Variants in TNPO3 observed in about 807,000 individuals in gnomAD.
TNPO3 encodes the protein transportin 3, also known as transportin-3.
TNPO3 carries 65 observed loss-of-function variants against 122.8 expected under a neutral mutation model. The ratio of observed to expected loss-of-function variants is 0.53; its 90% confidence interval spans 0.43 to 0.65. The LOEUF is 0.65. Among genes scored for constraint, TNPO3 ranks in the 30% least tolerant of loss-of-function variants. The pLI is 0.00. For synonymous variants in TNPO3, 372 were observed against 411.2 expected (o/e 0.90, Z 1.15); for missense variants, 850 against 1,136.7 (o/e 0.75, Z 3.63).
At chr7:128,987,819 T>TA (rs1397659461) in intron 11 of TNPO3, among the ~76,000 whole-genome samples, 1 of 152,136 alleles carries the variant, frequency 6.6e-6, no homozygotes, top group Non-Finnish European at 1.5e-5. Context: ...CCTCAAGTGA[T>TA]ACGCCTACCT....
chr7:129,026,394 ATTTTTTT>A (rs969403916), intron 1 of TNPO3, among the ~76,000 whole-genome samples: 11 of 94,714 alleles, frequency 1.2e-4, no homozygotes, highest in South Asian at 3.4e-4. Context: ...TGACGTTTGA[ATTTTTTT>A]TTTTTTTTTT....
At chr7:129,055,586 T>C, upstream of TNPO3, 1 of 162,374 alleles carries the variant, frequency 6.2e-6, no homozygotes, top group Non-Finnish European at 1.3e-5. Context: ...CCAAAATGCC[T>C]AGAATCTTTG....
At chr7:129,044,544 T>C (rs143805297) in intron 1 of TNPO3, among the ~76,000 whole-genome samples, 1 of 152,306 alleles carries the variant, frequency 6.6e-6, no homozygotes, top group East Asian at 1.9e-4. Context: ...CTTTTAAGAG[T>C]ATGTACATAA....
At chr7:129,005,461 C>A (rs1321381528) in intron 4 of TNPO3, among the ~76,000 whole-genome samples, 1 of 152,180 alleles carries the variant, frequency 6.6e-6, no homozygotes, top group Non-Finnish European at 1.5e-5. Flanking sequence ...ACCCAAATTT[C>A]ATGTCAAATT....
chr7:128,987,232 T>C (rs903502916), intron 11 of TNPO3, among the ~76,000 whole-genome samples: 8 of 152,140 alleles, frequency 5.3e-5, no homozygotes, highest in African/African-American at 1.9e-4. Flanking sequence ...GCAATCCAGG[T>C]ATTAAGAATA....
chr7:128,964,066 C>T (rs1222146793), intron 21 of TNPO3, among the ~76,000 whole-genome samples: 2 of 152,004 alleles, frequency 1.3e-5, no homozygotes, highest in Non-Finnish European at 2.9e-5. Context: ...ATAAAAAAAA[C>T]TTATGAAAAA....
chr7:128,986,449 C>T (rs1411300366), intron 12 of TNPO3, among the ~76,000 whole-genome samples: 1 of 152,074 alleles, frequency 6.6e-6, no homozygotes, highest in African/African-American at 2.4e-5. Flanking sequence ...AAAAAGCAGC[C>T]GTGTTTAGTT....
At position 129,054,771 on chromosome 7, in the gene TNPO3, G is replaced by A. The variant is rs756648157; in HGVS notation, c.-1C>T. ...GCAATGTCGGCTTTGCTCCTTCCAT[G>A]GTGGTGGCGGTAGTGGCGGTAGCGA... is the stretch of plus-strand genomic sequence containing the variant. On this transcript the variant is annotated 5_prime_UTR_variant, in exon 1 of 23. Coordinates refer to ENST00000265388, the MANE Select transcript of TNPO3 (RefSeq NM_012470.4). The A allele has an allele frequency of 5.0e-6, 8 of 1,613,940 alleles. No homozygotes were observed. The Admixed American group carries it at 1.3e-4, about 27-fold the overall frequency.
Position 129,038,142 on chromosome 7 carries a change from G to C in TNPO3, c.120+16509C>G, listed in dbSNP as rs112518384. Among the ~76,000 whole-genome samples, 834 of 152,252 alleles carry C rather than the reference G, an allele frequency of 5.5e-3. 13 individuals are homozygous for C. The highest frequency in any genetic ancestry group is 0.019 in the African/African-American group (799 of 41,542). The stretch of plus-strand genomic sequence containing the variant: ...AGAGAAAAAGGACACATTAAATACA[G>C]AGGAACAAAAGTAAAAAGCTAGAGC... On this transcript the variant is annotated intron_variant, in intron 1 of 22. Coordinates refer to ENST00000265388, the MANE Select transcript of TNPO3 (RefSeq NM_012470.4).
At chr7:129,017,129 CAAAG>C in intron 2 of TNPO3, 73 bp from the exon 3 acceptor site, 1 of 1,372,550 alleles carries the variant, frequency 7.3e-7, no homozygotes, top group Non-Finnish European at 1.0e-6. Flanking sequence ...AATTGGGAAG[CAAAG>C]AAACATTTCT....
rs759544679 is a variant in TNPO3, at chr7:129,054,720, C to T, written c.51G>A (p.Ala17=). ...TLQLVYQAVQ[A]LYHDPDPSGK... Reference sequence around the variant, plus strand: ...CGCTGGGATCTGGGTCGTGGTAAAGCGCCTGCACTGCCTGGTACACGAGCT... The same window carrying T: ...CGCTGGGATCTGGGTCGTGGTAAAGTGCCTGCACTGCCTGGTACACGAGCT... The change falls in exon 1 of 23, where the codon GCG becomes GCA. Residue 17 remains alanine, a synonymous_variant. Transcript: ENST00000265388. 7 of 1,614,210 alleles carry T rather than the reference C, an allele frequency of 4.3e-6. No individual in the cohort carries two copies. In the South Asian group the frequency reaches 7.7e-5, roughly 18 times the overall value.
In TNPO3 at chr7:128,954,692, C is replaced by T. The variant is rs1796745539; in HGVS notation, c.*725G>A. On this transcript the variant is annotated 3_prime_UTR_variant, in exon 23 of 23. Transcript: ENST00000265388. ...GTCCCGAGCATCACCAATGTGACCA[C>T]GATAGAAAGCAGAACAAGTTCCTTG... The T allele has an allele frequency of 6.6e-6, 1 of 152,516 alleles. No individual in the cohort carries two copies. Among genetic ancestry groups the T allele is most frequent in the African/African-American group, 2.4e-5 (1 of 41,422 alleles). The allele number at this position is 152,516 out of a possible 1,614,324, so 9.4% of individuals were successfully genotyped here.
chr7:128,982,389 A>G, intron 13 of TNPO3, 65 bp from the exon 14 acceptor site: 1 of 1,350,402 alleles, frequency 7.4e-7, no homozygotes, highest in Non-Finnish European at 1.1e-6. Flanking sequence ...CAACACTGCA[A>G]CATACATCAA....
chr7:129,005,392 C>G (rs1207628061), intron 4 of TNPO3, among the ~76,000 whole-genome samples: 1 of 152,012 alleles, frequency 6.6e-6, no homozygotes, highest in Non-Finnish European at 1.5e-5. Context: ...AGCTAGGCAC[C>G]ACTGTTCTAA....
chr7:129,020,646 G>GC (rs1019560044), intron 1 of TNPO3, among the ~76,000 whole-genome samples: 2 of 152,090 alleles, frequency 1.3e-5, no homozygotes, highest in African/African-American at 4.8e-5. Flanking sequence ...TCGCCATGTT[G>GC]CCCAGGCTGG....
intron 3 of TNPO3, 88 bp downstream of exon 3, chr7:129,016,895 T>C (rs1389635543): frequency 9.1e-7 from 1 of 1,098,726 alleles, no homozygotes; most frequent in Non-Finnish European, 1.4e-6. Context: ...AGGGAAATAG[T>C]CAAATATCTA....
rs573132322 is a variant in TNPO3 at position 128,982,208 on chromosome 7, C to A, written c.1859+40G>T. 3.8e-6 allele frequency: 6 copies of A among 1,558,964 alleles called. No individual in the cohort carries two copies. In the South Asian group the frequency reaches 6.7e-5, roughly 17 times the overall value. The stretch of plus-strand genomic sequence containing the variant: ...TCAATATACAATGGTTTCATTTGAG[C>A]CTTTAACCCAAGTAAGGCATCCAGA... On this transcript the variant is annotated intron_variant, in intron 14 of 22. Transcript: ENST00000265388.
chr7:129,006,449 T>C (rs1466174676), intron 4 of TNPO3, among the ~76,000 whole-genome samples: 1 of 152,188 alleles, frequency 6.6e-6, no homozygotes, highest in Non-Finnish European at 1.5e-5. Flanking sequence ...ATAAATACTA[T>C]AAAAGAGATA....
intron 1 of TNPO3, among the ~76,000 whole-genome samples, chr7:129,038,543 C>T (rs749917714): frequency 6.6e-6 from 1 of 152,170 alleles, no homozygotes; most frequent in Admixed American, 6.5e-5. Flanking sequence ...ATGTTCACTG[C>T]AGCACTATTC....
Sources: allele counts gnomAD v4.1 joint callset (sites outside exome capture counted in the v4.1 genomes callset), GRCh38; gene constraint gnomAD v4.1.1; transcripts MANE v1.5; gene names NCBI Gene and HGNC (gene_info 2026-07-23, HGNC 2026-07-21).